The following SNX17 variants were observed in gnomAD, a reference collection of about 807,000 sequenced individuals.
SNX17 encodes sorting nexin-17.
SNX17 carries 35 observed loss-of-function variants against 64.3 expected under a neutral mutation model. The observed-to-expected ratio is 0.54, with a 90% CI of 0.42 to 0.72. The LOEUF is 0.72. Ranked by LOEUF, SNX17 falls within the 30% of genes least tolerant of loss-of-function variation. The pLI is 0.00. For synonymous variants in SNX17, 259 were observed against 230.2 expected (o/e 1.13, Z -1.13); for missense variants, 538 against 610.0 (o/e 0.88, Z 1.24).
In SNX17 at chr2:27,375,884, G is replaced by A. The variant is rs1683154268; in HGVS notation, c.1017G>A (p.Arg339=). The A allele has an allele frequency of 6.2e-7, 1 of 1,614,034 alleles. No individual in the cohort carries two copies. Among genetic ancestry groups the A allele is most frequent in the African/African-American group, 1.3e-5 (1 of 74,934 alleles). The part of the protein sequence containing the change: ...LPSGSTSSPG[R]GRGEVRLELA... Reference sequence around the variant, plus strand: ...GTGGAAGCACGAGCAGCCCAGGCCGGGGCCGGGGTGAGGTGCGCCTGGAAC... The same window carrying A: ...GTGGAAGCACGAGCAGCCCAGGCCGAGGCCGGGGTGAGGTGCGCCTGGAAC... The change falls in exon 11 of 15, where the codon CGG becomes CGA. Residue 339 remains arginine (R), a synonymous_variant. Coordinates refer to ENST00000233575, the MANE Select transcript of SNX17 (RefSeq NM_014748.4). The surrounding 1 kb of genome is among the most constrained non-coding windows in gnomAD (Gnocchi z 4.1).
At chr2:27,372,768 CTA>C in intron 3 of SNX17, 28 bp downstream of exon 3, 1 of 1,613,734 alleles carries the variant, frequency 6.2e-7, no homozygotes, top group Non-Finnish European at 8.5e-7. Flanking sequence ...ACTAGGTTGA[CTA>C]TATTGAGGAC....
intron 1 of SNX17, 117 bp downstream of exon 1, chr2:27,370,923 C>A: frequency 8.8e-7 from 1 of 1,133,264 alleles, no homozygotes; most frequent in Non-Finnish European, 1.2e-6. Flanking sequence ...CCTGGGCCGC[C>A]GACTCCCGAC....
rs1450231209 is a variant in SNX17, at chr2:27,376,103, C to A, written c.1105-3C>A. On this transcript the variant is annotated splice_region_variant and splice_polypyrimidine_tract_variant and intron_variant, in intron 11 of 14. Coordinates refer to ENST00000233575, the MANE Select transcript of SNX17 (RefSeq NM_014748.4). ...TCAAGCTGGACACTCTTCTTGCCCT[C>A]AGGCTATCATGATGAGCATCTGCTT... The A allele has an allele frequency of 3.7e-6, 6 of 1,614,032 alleles. No individual in the cohort carries two copies. The highest frequency in any genetic ancestry group is 5.1e-6 in the Non-Finnish European group (6 of 1,180,032).
chr2:27,374,691 A>G lies in SNX17; in HGVS notation c.614A>G (p.Tyr205Cys). Residue 205 changes from tyrosine (Y) to cysteine (C), a missense_variant and splice_region_variant, in exon 8 of 15, where the codon TAT (tyrosine) becomes TGT (cysteine). By Grantham distance (194) the Tyr-to-Cys change is radical. Coordinates refer to ENST00000233575, the MANE Select transcript of SNX17 (RefSeq NM_014748.4). The part of the protein sequence containing the change: ...QEYKIVLRKS[Y>C]WDSAYDDDVM... ...CTTTCCACCCCTTGGCCTCACAGTT[A>G]TTGGGACTCTGCCTATGATGACGAT... is the stretch of plus-strand genomic sequence containing the variant. 6.2e-7 allele frequency: 1 copy of G among 1,614,046 alleles called. No homozygotes were observed. The highest frequency in any genetic ancestry group is 8.5e-7 in the Non-Finnish European group (1 of 1,180,006).
At chr2:27,374,812 C>A (rs543134249) in intron 8 of SNX17, 54 bp downstream of exon 8, 72 of 1,533,360 alleles carry the variant, frequency 4.7e-5, no homozygotes, top group Non-Finnish European at 6.1e-5. Context: ...ACGGGTGACT[C>A]ACTCTCCCAA....
chr2:27,371,540 GCTC>G (rs1682548189), intron 2 of SNX17, 197 bp downstream of exon 2: 1 of 1,155,630 alleles, frequency 8.7e-7, no homozygotes, highest in Non-Finnish European at 1.1e-6. Context: ...CGCAACAACT[GCTC>G]CTTCCTGTTC....
At chr2:27,374,840 CTT>C in intron 8 of SNX17, 82 bp downstream of exon 8, 1 of 1,339,718 alleles carries the variant, frequency 7.5e-7, no homozygotes, top group Non-Finnish European at 1.1e-6. Flanking sequence ...GCTGTCGTGT[CTT>C]TGTTCCCAAT....
chr2:27,376,237 G>A, intron 12 of SNX17, 54 bp downstream of exon 12: 4 of 1,613,102 alleles, frequency 2.5e-6, no homozygotes, highest in Non-Finnish European at 3.4e-6. Context: ...CTTGCCTTTT[G>A]TCCTAGATGT....
intron 6 of SNX17, 28 bp downstream of exon 6, chr2:27,374,203 A>G: frequency 6.2e-7 from 1 of 1,604,388 alleles, no homozygotes; most frequent in African/African-American, 1.3e-5. Context: ...TGACTGCAGT[A>G]CAAGGGTACT....
In SNX17 at chr2:27,375,073, A is replaced by G; in HGVS notation, c.694A>G (p.Ile232Val). The G allele has an allele frequency of 6.2e-7, 1 of 1,614,106 alleles. No homozygotes were observed. The highest frequency in any genetic ancestry group is 1.7e-5 in the Admixed American group (1 of 60,020). ...NLLYAQTVSD[I>V]ERGWILVTKE... ...GTCTCTACTATAGACGGTATCAGAT[A>G]TTGAGCGTGGGTGGATCTTGGTCAC... The change falls in exon 9 of 15, where the codon ATT (isoleucine) becomes GTT (valine). Residue 232 changes from isoleucine to valine, a missense_variant. Transcript: ENST00000233575. The surrounding 1 kb of genome is among the most constrained non-coding windows in gnomAD (Gnocchi z 4.1).
rs144122768 is a variant in SNX17 at position 27,373,044 on chromosome 2, A to G, written c.257-203A>G. The G allele has an allele frequency of 9.8e-5, 151 of 1,547,890 alleles. 1 individual carries two copies. In the East Asian group the frequency reaches 3.1e-3, roughly 32 times the overall value. ...ACATCATTGTTATTTCCCTAGTTCT[A>G]TAGACTGGACTCACCTAGATGGCAG... On this transcript the variant is annotated intron_variant, in intron 3 of 14. Coordinates refer to ENST00000233575, the MANE Select transcript of SNX17 (RefSeq NM_014748.4).
chr2:27,375,880 G>T lies in SNX17; in HGVS notation c.1013G>T (p.Gly338Val). The change falls in exon 11 of 15, where the codon GGC (glycine) becomes GTC (valine). Residue 338 changes from glycine to valine, a missense_variant. Coordinates refer to ENST00000233575, the MANE Select transcript of SNX17 (RefSeq NM_014748.4). The surrounding 1 kb of genome is among the most constrained non-coding windows in gnomAD (Gnocchi z 4.1). ...CCCAGTGGAAGCACGAGCAGCCCAG[G>T]CCGGGGCCGGGGTGAGGTGCGCCTG... is the stretch of plus-strand genomic sequence containing the variant. ...PLPSGSTSSPGRGRGEVRLEL... is the reference protein window; with the variant it reads ...PLPSGSTSSPVRGRGEVRLEL... 1 of 1,614,164 alleles carries T rather than the reference G, an allele frequency of 6.2e-7. No individual in the cohort carries two copies. Among genetic ancestry groups the T allele is most frequent in the Non-Finnish European group, 8.5e-7 (1 of 1,180,034 alleles).
In SNX17 at chr2:27,375,591, C is replaced by G. The variant is rs754625733; in HGVS notation, c.860C>G (p.Pro287Arg). Residue 287 changes from proline (P) to arginine (R), a missense_variant, in exon 10 of 15, where the codon CCT (proline) becomes CGT (arginine). Transcript: ENST00000233575. The surrounding 1 kb of genome is among the most constrained non-coding windows in gnomAD (Gnocchi z 4.1). ...CVADFPEKDC[P>R]VVVSAGNSEL... ...GCTGACTTCCCAGAAAAGGACTGTC[C>G]TGTGGTGGTGAGCGCGGGCAACAGT... The G allele has an allele frequency of 1.1e-5, 17 of 1,614,206 alleles. No homozygotes were observed. In the South Asian group the frequency reaches 1.8e-4, roughly 17 times the overall value.
chr2:27,371,232 G>A, intron 1 of SNX17, 37 bp from the exon 2 acceptor site: 1 of 1,598,306 alleles, frequency 6.3e-7, no homozygotes, highest in Non-Finnish European at 8.6e-7. Context: ...TGCGCAGACC[G>A]CAACCCTAAA....
At position 27,370,736 on chromosome 2, in the gene SNX17, T is replaced by C. The variant is rs908953940; in HGVS notation, c.-8T>C. 1.9e-6 allele frequency: 3 copies of C among 1,547,994 alleles called. No homozygotes were observed. Among genetic ancestry groups the C allele is most frequent in the Non-Finnish European group, 2.6e-6 (3 of 1,145,686 alleles). ...TCCGGAGCCCGGCCGTGCCGTGCCG[T>C]AGGGAACATGCACTTTTCCATTCCC... On this transcript the variant is annotated 5_prime_UTR_variant, in exon 1 of 15. Transcript: ENST00000233575.
chr2:27,376,921 A>G lies in SNX17; in HGVS notation c.*202A>G. Reference sequence around the variant, plus strand: ...ACAGAGGATTGCCCCTTCTCTTTTCAGAGCTGGCCCTCGATGCCAAATTAG... The same window carrying G: ...ACAGAGGATTGCCCCTTCTCTTTTCGGAGCTGGCCCTCGATGCCAAATTAG... On this transcript the variant is annotated 3_prime_UTR_variant, in exon 15 of 15. Coordinates refer to ENST00000233575, the MANE Select transcript of SNX17 (RefSeq NM_014748.4). The G allele has an allele frequency of 1.7e-6, 1 of 591,404 alleles. No homozygotes were observed. The highest frequency in any genetic ancestry group is 3.0e-6 in the Non-Finnish European group (1 of 332,460). 36.6% of individuals were successfully genotyped at this position (591,404 alleles called of 1,614,324 possible).
rs200888304 is a variant in SNX17 at position 27,373,998 on chromosome 2, T to C, written c.432+27T>C. 238 of 1,610,228 alleles carry C rather than the reference T, an allele frequency of 1.5e-4. 2 individuals carry two copies. The highest frequency in any genetic ancestry group is 1.2e-3 in the Middle Eastern group (7 of 6,056). ...TGAGGCGCTTGTTCAGCACTGCCCC[T>C]TCTTCCCCTACATCCTGGGGTCCTG... On this transcript the variant is annotated intron_variant, in intron 5 of 14. Transcript: ENST00000233575.
Position 27,370,699 on chromosome 2 carries a change from C to G in SNX17, c.-45C>G. Reference sequence around the variant, plus strand: ...GGAGGGGGAGCGTGCAGAGCCGCTGCGGCCCTCACAGTCCGGAGCCCGGCC... The same window carrying G: ...GGAGGGGGAGCGTGCAGAGCCGCTGGGGCCCTCACAGTCCGGAGCCCGGCC... On this transcript the variant is annotated 5_prime_UTR_variant, in exon 1 of 15. Transcript: ENST00000233575. The G allele has an allele frequency of 6.6e-7, 1 of 1,516,330 alleles. No homozygotes were observed. Among genetic ancestry groups the G allele is most frequent in the Non-Finnish European group, 8.9e-7 (1 of 1,125,680 alleles). 93.9% of individuals were successfully genotyped at this position (1,516,330 alleles called of 1,614,324 possible).
intron 4 of SNX17, among the ~76,000 whole-genome samples, 161 bp from the exon 5 acceptor site, chr2:27,373,700 T>G (rs1262967267): frequency 6.6e-6 from 1 of 152,144 alleles, no homozygotes; most frequent in African/African-American, 2.4e-5. Context: ...GTCATCTTTT[T>G]TAATGGAATG....
Sources: gnomAD v4.1 joint callset for allele counts (sites outside exome capture counted in the v4.1 genomes callset) on GRCh38, gnomAD v4.1.1 for gene constraint, Gnocchi (gnomAD v3.1) non-coding constraint, MANE v1.5 for transcripts, NCBI Gene and HGNC (gene_info 2026-07-23, HGNC 2026-07-21) for gene names.